AGMO: variants seen among roughly 807,000 people sequenced by gnomAD.
AGMO encodes glyceryl-ether monooxygenase.
A neutral mutation model predicts 60.2 loss-of-function variants in AGMO; 75 were observed. The ratio of observed to expected loss-of-function variants is 1.25; its 90% CI spans 1.03 to 1.51. AGMO has a LOEUF of 1.51. Ranked by LOEUF, AGMO falls within the 40% of genes most tolerant of loss-of-function variation. AGMO has a pLI of 0.00. For synonymous variants in AGMO, 261 were observed against 177.1 expected, an observed-to-expected ratio of 1.47 and a Z score of -3.76; for missense variants, 763 against 525.5, an observed-to-expected ratio of 1.45 and a Z score of -4.42.
At chr7:15,547,573 C>G (rs1226690708) in intron 2 of AGMO, among the ~76,000 whole-genome samples, 1 of 152,126 alleles carries the variant, frequency 6.6e-6, no homozygotes, top group Non-Finnish European at 1.5e-5. Flanking sequence ...CCTGGAAAAT[C>G]GGGTCACTCC....
intron 12 of AGMO, among the ~76,000 whole-genome samples, chr7:15,330,016 G>C (rs906092195): frequency 1.3e-5 from 2 of 151,922 alleles, no homozygotes; most frequent in Admixed American, 6.6e-5. Context: ...CTAATTTATA[G>C]AAGTTTAGGG....
chr7:15,125,551 C>T, the AGMO span, among the ~76,000 whole-genome samples: 1 of 152,096 alleles, frequency 6.6e-6, no homozygotes, highest in Non-Finnish European at 1.5e-5. Context: ...CTTCCTGTGG[C>T]AATCCTCTCT....
At chr7:15,148,468 C>A in the AGMO span, among the ~76,000 whole-genome samples, 1 of 151,930 alleles carries the variant, frequency 6.6e-6, no homozygotes, top group Non-Finnish European at 1.5e-5. Flanking sequence ...AGTTTTTTGA[C>A]CCTCATCCTC....
intron 12 of AGMO, among the ~76,000 whole-genome samples, chr7:15,291,858 T>C (rs993330543): frequency 6.6e-6 from 1 of 152,074 alleles, no homozygotes; most frequent in Non-Finnish European, 1.5e-5. Context: ...AAACAGGAGC[T>C]TCCTTCTGGA....
Position 15,465,520 on chromosome 7 carries a change from T to G in AGMO, c.410-34412A>C, listed in dbSNP as rs564621696. Among the ~76,000 whole-genome samples, 5 of 150,616 alleles carry G rather than the reference T, an allele frequency of 3.3e-5. No individual in the cohort carries two copies. In the South Asian group the frequency reaches 1.0e-3, roughly 32 times the overall value. ...TCACTGCAGACTTGACATCTGGGGC[T>G]CAAGCAATTCTCCCGCCTCAGCCTC... On this transcript the variant is annotated intron_variant, in intron 3 of 12. Transcript: ENST00000342526.
chr7:15,432,335 TATATATATATACATAC>T (rs1253565122), intron 3 of AGMO, among the ~76,000 whole-genome samples: 1 of 136,640 alleles, frequency 7.3e-6, no homozygotes, highest in Non-Finnish European at 1.6e-5. Context: ...TATGTATATA[TATATATATATACATAC>T]ATATATATAT....
the AGMO span, among the ~76,000 whole-genome samples, chr7:15,161,118 C>T: frequency 6.6e-6 from 1 of 152,160 alleles, no homozygotes; most frequent in Admixed American, 6.5e-5. Context: ...AGCCTAATCA[C>T]CTCTCATTAG....
chr7:15,450,293 G>A (rs980564127), intron 3 of AGMO, among the ~76,000 whole-genome samples: 13 of 151,798 alleles, frequency 8.6e-5, no homozygotes, highest in African/African-American at 2.7e-4. Context: ...GGTGGCGGGC[G>A]CATGTAGTCC....
chr7:15,214,441 A>C (rs868418023), intron 12 of AGMO, among the ~76,000 whole-genome samples: 9 of 152,100 alleles, frequency 5.9e-5, no homozygotes, highest in South Asian at 2.1e-4. Context: ...AATCCCTTCA[A>C]TAACCCCTAA....
At chr7:15,317,564 T>C (rs549648989) in intron 12 of AGMO, among the ~76,000 whole-genome samples, 25 of 152,234 alleles carry the variant, frequency 1.6e-4, no homozygotes, top group African/African-American at 6.0e-4. Flanking sequence ...CTAAAATTTC[T>C]TACCATTTTA....
At chr7:15,127,845 T>C in the AGMO span, among the ~76,000 whole-genome samples, 404 of 152,242 alleles carry the variant, frequency 2.7e-3, 1 homozygote, top group African/African-American at 9.2e-3. Flanking sequence ...TTTGGAAATG[T>C]AGTAAAAATA....
intron 12 of AGMO, among the ~76,000 whole-genome samples, chr7:15,236,649 C>A (rs1782429862): frequency 6.6e-6 from 1 of 151,990 alleles, no homozygotes; most frequent in African/African-American, 2.4e-5. Flanking sequence ...AAGATCTGAT[C>A]AACTGAAAGA....
In AGMO at chr7:15,555,486, G is replaced by C. The variant is rs1034731335; in HGVS notation, c.257+4655C>G. The stretch of plus-strand genomic sequence containing the variant: ...TCCATCTAGTGGAATATTGATTTTT[G>C]CTTGGTAATAATAAGAAAGATAATA... On this transcript the variant is annotated intron_variant, in intron 2 of 12. Transcript: ENST00000342526. 1.8e-4 allele frequency among the ~76,000 whole-genome samples: 27 copies of C among 151,708 alleles called. 4 individuals carry two copies. The highest frequency in any genetic ancestry group is 1.6e-3 in the Admixed American group (25 of 15,174).
intron 12 of AGMO, among the ~76,000 whole-genome samples, chr7:15,346,127 A>G (rs151002936): frequency 2.8e-4 from 43 of 152,306 alleles, no homozygotes; most frequent in African/African-American, 8.4e-4. Context: ...TTAAATTCAG[A>G]TAAGTTTTGC....
intron 4 of AGMO, among the ~76,000 whole-genome samples, chr7:15,421,547 A>G (rs1309647264): frequency 6.6e-6 from 1 of 152,194 alleles, no homozygotes; most frequent in Non-Finnish European, 1.5e-5. Context: ...TACATGCAAC[A>G]GATTTAAGGA....
chr7:15,378,701 TAC>T (rs1421612173), intron 10 of AGMO, among the ~76,000 whole-genome samples: 3 of 151,892 alleles, frequency 2.0e-5, no homozygotes, highest in African/African-American at 7.2e-5. Context: ...ACCTGATAGA[TAC>T]AGTCAGAACT....
At chr7:15,182,271 TAGAC>T in the AGMO span, among the ~76,000 whole-genome samples, 6 of 152,278 alleles carry the variant, frequency 3.9e-5, no homozygotes, top group South Asian at 2.1e-4. Flanking sequence ...GTTCTGCAGA[TAGAC>T]AGTGCTAATG....
intron 3 of AGMO, among the ~76,000 whole-genome samples, chr7:15,465,784 T>A (rs550795139): frequency 7.9e-5 from 12 of 151,846 alleles, no homozygotes; most frequent in Non-Finnish European, 1.6e-4. Context: ...TCAATCATTG[T>A]TTATCTGTAT....
chr7:15,406,333 T>A lies in AGMO; in HGVS notation c.610-12154A>T, dbSNP rs1024157158. 1.4e-4 allele frequency among the ~76,000 whole-genome samples: 21 copies of A among 144,888 alleles called. No homozygotes were observed. In the East Asian group the frequency reaches 2.8e-3, roughly 19 times the overall value. On this transcript the variant is annotated intron_variant, in intron 5 of 12. Coordinates refer to ENST00000342526, the MANE Select transcript of AGMO (RefSeq NM_001004320.2). ...CATATATATGTGTATATATATGGAATATACATATATATGTGTATATATATG... is the reference window on the plus strand; with the variant it reads ...CATATATATGTGTATATATATGGAAAATACATATATATGTGTATATATATG...
Sources: gnomAD v4.1 joint callset for allele counts (sites outside exome capture counted in the v4.1 genomes callset) on GRCh38, gnomAD v4.1.1 for gene constraint, MANE v1.5 for transcripts, NCBI Gene and HGNC (gene_info 2026-07-23, HGNC 2026-07-21) for gene names.